The following ARNT variants were observed in gnomAD, a reference collection of about 807,000 sequenced individuals.
ARNT encodes aryl hydrocarbon receptor nuclear translocator.
ARNT carries 30 observed loss-of-function variants against 105.0 expected under a neutral mutation model. The ratio of observed to expected loss-of-function variants is 0.29; its 90% CI spans 0.21 to 0.39. The LOEUF (loss-of-function observed/expected upper bound fraction) is 0.39. Ranked by LOEUF, ARNT falls within the 10% of genes least tolerant of loss-of-function variation. The pLI is 1.00. For missense variants in ARNT, 748 were observed against 978.7 expected, an observed-to-expected ratio of 0.76 and a Z score of 3.15; for synonymous variants, 304 against 344.0, an observed-to-expected ratio of 0.88 and a Z score of 1.29.
At chr1:150,836,881 CAAACAAAACA>C (rs951619910) in intron 6 of ARNT, among the ~76,000 whole-genome samples, 13 of 152,028 alleles carry the variant, frequency 8.6e-5, no homozygotes, top group African/African-American at 2.9e-4. Context: ...TCTTTACAAA[CAAACAAAACA>C]AAACAAAACA....
intron 1 of ARNT, among the ~76,000 whole-genome samples, chr1:150,874,134 T>C (rs1483886261): frequency 2.7e-5 from 4 of 149,976 alleles, no homozygotes; most frequent in African/African-American, 9.9e-5. Context: ...GGAAAGAAGG[T>C]ATGACAGTGT....
At chr1:150,821,386 G>A (rs1657029024) in intron 14 of ARNT, among the ~76,000 whole-genome samples, 1 of 152,206 alleles carries the variant, frequency 6.6e-6, no homozygotes, top group Non-Finnish European at 1.5e-5. Context: ...CAAGAACCAT[G>A]AGATTTCACT....
At chr1:150,847,207 C>T (rs1483099399) in intron 3 of ARNT, among the ~76,000 whole-genome samples, 5 of 152,030 alleles carry the variant, frequency 3.3e-5, no homozygotes, top group Admixed American at 6.6e-5. Context: ...CAACACTGGG[C>T]GGATCACGAA....
intron 1 of ARNT, among the ~76,000 whole-genome samples, chr1:150,866,487 T>A (rs1666614353): frequency 6.6e-6 from 1 of 152,164 alleles, no homozygotes; most frequent in South Asian, 2.1e-4. Flanking sequence ...ACTGGGACAC[T>A]TTATTTAAAC....
At position 150,858,481 on chromosome 1, in the gene ARNT, T is replaced by C. The variant is rs749236310; in HGVS notation, c.26-21A>G. 1.8e-5 allele frequency: 28 copies of C among 1,531,814 alleles called. 1 individual carries two copies. The highest frequency in any genetic ancestry group is 4.5e-6 in the Non-Finnish European group (5 of 1,117,728). 94.9% of individuals were successfully genotyped at this position (1,531,814 alleles called of 1,614,324 possible). ...CATTTCTGTCAGGAAAATAATGAAG[T>C]AAACATTTTTAAAAAGACAGTCCTT... is the stretch of plus-strand genomic sequence containing the variant. On this transcript the variant is annotated intron_variant, in intron 1 of 21. Coordinates refer to ENST00000358595, the MANE Select transcript of ARNT (RefSeq NM_001668.4).
intron 14 of ARNT, among the ~76,000 whole-genome samples, chr1:150,822,504 T>C (rs952635767): frequency 9.9e-5 from 15 of 152,166 alleles, no homozygotes; most frequent in African/African-American, 3.6e-4. Flanking sequence ...GGACTGGGTT[T>C]GAGGAGCTTC....
chr1:150,869,852 C>T (rs1667179494), intron 1 of ARNT, among the ~76,000 whole-genome samples: 1 of 152,156 alleles, frequency 6.6e-6, no homozygotes, highest in African/African-American at 2.4e-5. Flanking sequence ...CACACTCAGC[C>T]TGGAAACTAC....
At chr1:150,839,195 T>A (rs1002557875) in intron 6 of ARNT, among the ~76,000 whole-genome samples, 3 of 152,254 alleles carry the variant, frequency 2.0e-5, no homozygotes, top group African/African-American at 7.2e-5. Context: ...TCTTCTTCCA[T>A]CCTATATGCT....
intron 1 of ARNT, among the ~76,000 whole-genome samples, chr1:150,868,987 C>T: frequency 6.6e-6 from 1 of 151,490 alleles, no homozygotes; most frequent in Non-Finnish European, 1.5e-5. Flanking sequence ...ATTAGCTGGG[C>T]ATGATGGTGC....
chr1:150,832,478 T>C, intron 8 of ARNT, 79 bp from the exon 9 acceptor site: 2 of 1,318,140 alleles, frequency 1.5e-6, no homozygotes, highest in Non-Finnish European at 2.2e-6. Flanking sequence ...CAGAATAACA[T>C]GCTCTGGATA....
intron 4 of ARNT, 124 bp downstream of exon 4, chr1:150,846,139 G>T: frequency 1.4e-6 from 1 of 732,232 alleles, no homozygotes; most frequent in Non-Finnish European, 2.2e-6. Flanking sequence ...TTCCAAATAG[G>T]AAAGATATTA....
intron 1 of ARNT, among the ~76,000 whole-genome samples, chr1:150,860,730 C>A (rs1330180983): frequency 6.6e-6 from 1 of 151,792 alleles, no homozygotes; most frequent in Non-Finnish European, 1.5e-5. Context: ...GTGGTGGGCA[C>A]CTGTAATCCC....
chr1:150,813,989 C>A, intron 20 of ARNT, 88 bp downstream of exon 20: 2 of 1,511,600 alleles, frequency 1.3e-6, no homozygotes, highest in Non-Finnish European at 1.8e-6. Flanking sequence ...TCAGTGTACC[C>A]ACAACACAGG....
At chr1:150,865,319 G>GAA (rs1160358345) in intron 1 of ARNT, among the ~76,000 whole-genome samples, 2 of 152,104 alleles carry the variant, frequency 1.3e-5, no homozygotes, top group African/African-American at 4.8e-5. Flanking sequence ...AAGAATAAGA[G>GAA]AAGAAGAGCA....
chr1:150,840,062 G>A (rs941306943), intron 5 of ARNT, among the ~76,000 whole-genome samples: 1 of 152,090 alleles, frequency 6.6e-6, no homozygotes, highest in South Asian at 2.1e-4. Flanking sequence ...CCAACATGGT[G>A]AAATCCTGTC....
chr1:150,862,308 A>C (rs1306559812), intron 1 of ARNT, among the ~76,000 whole-genome samples: 1 of 152,090 alleles, frequency 6.6e-6, no homozygotes, highest in African/African-American at 2.4e-5. Context: ...ACACATTTAA[A>C]ACTCTGATTG....
chr1:150,822,982 T>G (rs1657420404), intron 14 of ARNT, among the ~76,000 whole-genome samples: 1 of 152,156 alleles, frequency 6.6e-6, no homozygotes, highest in Non-Finnish European at 1.5e-5. Context: ...AGTGGCATGA[T>G]CCCAGCTCAC....
chr1:150,873,120 T>C (rs1667726469), intron 1 of ARNT, among the ~76,000 whole-genome samples: 1 of 150,720 alleles, frequency 6.6e-6, no homozygotes, highest in Admixed American at 6.6e-5. Context: ...CTGTCTCTAC[T>C]AAAAATACAA....
intron 14 of ARNT, among the ~76,000 whole-genome samples, chr1:150,820,544 C>A (rs1174124689): frequency 6.6e-6 from 1 of 152,174 alleles, no homozygotes; most frequent in Non-Finnish European, 1.5e-5. Flanking sequence ...GTAGTCCCAG[C>A]TACTCAGGGG....
Sources: allele counts gnomAD v4.1 joint callset (sites outside exome capture counted in the v4.1 genomes callset), GRCh38; gene constraint gnomAD v4.1.1; transcripts MANE v1.5; gene names NCBI Gene and HGNC (gene_info 2026-07-23, HGNC 2026-07-21).